The following MRAS variants were observed in gnomAD, a reference collection of about 807,000 sequenced individuals.
MRAS encodes ras-related protein M-Ras.
A neutral mutation model predicts 20.9 loss-of-function variants in MRAS; 4 were observed. That is an observed-to-expected ratio of 0.19 (90% CI 0.09 to 0.44). The LOEUF (loss-of-function observed/expected upper bound fraction) is 0.44, where lower values mean the gene tolerates loss of function less well. MRAS is among the 20% of genes least tolerant of loss of function. The pLI, the probability that MRAS is intolerant of heterozygous loss-of-function variation, is 0.99. For missense variants in MRAS, 154 were observed against 277.5 expected, an observed-to-expected ratio of 0.56 and a Z score of 3.16; for synonymous variants, 98 against 102.9, an observed-to-expected ratio of 0.95 and a Z score of 0.29.
Position 138,376,490 on chromosome 3 carries a change from G to T in MRAS, c.193+3414G>T, listed in dbSNP as rs1419626935. Among the ~76,000 whole-genome samples the T allele has an allele frequency of 7.2e-5, 11 of 152,176 alleles. No homozygotes were observed. In the East Asian group the frequency reaches 1.3e-3, roughly 19 times the overall value. On this transcript the variant is annotated intron_variant, in intron 2 of 5. Transcript: ENST00000423968. ...CATCTAGAATACTGCTTGGCTCATAGTAGCTCCCCAGTAAACATTTGTGGA... is the reference window on the plus strand; with the variant it reads ...CATCTAGAATACTGCTTGGCTCATATTAGCTCCCCAGTAAACATTTGTGGA...
intron 4 of MRAS, among the ~76,000 whole-genome samples, 184 bp downstream of exon 4, chr3:138,398,752 G>A (rs577424916): frequency 3.3e-5 from 5 of 152,134 alleles, no homozygotes; most frequent in Non-Finnish European, 7.4e-5. Flanking sequence ...TCAGTGTTTC[G>A]TCAATGGTAG....
At chr3:138,371,988 C>T (rs1392937352) in intron 1 of MRAS, among the ~76,000 whole-genome samples, 1 of 152,144 alleles carries the variant, frequency 6.6e-6, no homozygotes. Context: ...CCTGGTCCCA[C>T]TTCCAGCTGC....
chr3:138,376,272 G>A (rs559002329), intron 2 of MRAS, among the ~76,000 whole-genome samples: 2 of 152,272 alleles, frequency 1.3e-5, no homozygotes, highest in Admixed American at 1.3e-4. Context: ...CTTTATCTAA[G>A]AGGTCTTCCC....
At chr3:138,387,769 G>T (rs560306182) in intron 2 of MRAS, among the ~76,000 whole-genome samples, 4 of 152,044 alleles carry the variant, frequency 2.6e-5, no homozygotes, top group Admixed American at 2.6e-4. Context: ...AGGGTTCTAG[G>T]TTCCTCTAAG....
chr3:138,364,620 A>G (rs1006118552), intron 1 of MRAS, among the ~76,000 whole-genome samples: 4 of 152,190 alleles, frequency 2.6e-5, no homozygotes, highest in African/African-American at 9.7e-5. Context: ...GCACGGACCC[A>G]TATAGGGGAT....
Position 138,399,933 on chromosome 3 carries a change from G to A in MRAS, c.448-601G>A, listed in dbSNP as rs557613346. The stretch of plus-strand genomic sequence containing the variant: ...ACCACAGTCGTATCTCCCGCTGTCT[G>A]CACCCTTTCGACCGGGTGATGATTT... On this transcript the variant is annotated intron_variant, in intron 4 of 5. Transcript: ENST00000423968. Among the ~76,000 whole-genome samples the A allele has an allele frequency of 6.2e-4, 94 of 152,340 alleles. 2 individuals are homozygous for A. In the South Asian group the frequency reaches 0.016, roughly 27 times the overall value.
At chr3:138,347,741 T>G (rs2054149028), upstream of MRAS, 1 of 152,102 alleles carries the variant, frequency 6.6e-6, no homozygotes, top group Non-Finnish European at 1.5e-5. Context: ...CACAGGCACG[T>G]GCCGCCATGC....
intron 1 of MRAS, among the ~76,000 whole-genome samples, chr3:138,361,096 A>G (rs1265803968): frequency 6.6e-6 from 1 of 152,214 alleles, no homozygotes; most frequent in African/African-American, 2.4e-5. Context: ...CCTGGTTGGC[A>G]TTCCATAGAT....
intron 1 of MRAS, among the ~76,000 whole-genome samples, chr3:138,372,070 T>TG (rs1261424719): frequency 2.6e-5 from 4 of 152,052 alleles, no homozygotes; most frequent in African/African-American, 4.8e-5. Context: ...AATTCTTCAC[T>TG]GGGGGGGACT....
At chr3:138,388,010 G>A (rs990561000) in intron 2 of MRAS, among the ~76,000 whole-genome samples, 6 of 152,194 alleles carry the variant, frequency 3.9e-5, no homozygotes, top group Admixed American at 3.9e-4. Context: ...TGGGGCCACT[G>A]GCAAAGGGAC....
intron 2 of MRAS, among the ~76,000 whole-genome samples, chr3:138,375,421 G>A (rs1197409771): frequency 6.6e-6 from 1 of 152,232 alleles, no homozygotes; most frequent in Admixed American, 6.5e-5. Flanking sequence ...TTCTGGAAGA[G>A]TTTGAGTTAA....
At chr3:138,378,464 C>G (rs1310639583) in intron 2 of MRAS, among the ~76,000 whole-genome samples, 1 of 152,218 alleles carries the variant, frequency 6.6e-6, no homozygotes, top group Non-Finnish European at 1.5e-5. Context: ...ATCCTCATCT[C>G]ACTTTATATT....
intron 1 of MRAS, among the ~76,000 whole-genome samples, chr3:138,356,001 G>A (rs781706577): frequency 1.3e-5 from 2 of 152,300 alleles, no homozygotes; most frequent in South Asian, 2.1e-4. Flanking sequence ...AAAAGCCAGC[G>A]AAGGCTGGGT....
intron 1 of MRAS, among the ~76,000 whole-genome samples, chr3:138,364,745 G>A (rs1046992327): frequency 6.6e-6 from 1 of 152,210 alleles, no homozygotes; most frequent in African/African-American, 2.4e-5. Flanking sequence ...TCTATGCCCT[G>A]GTCAGCAAGC....
intron 2 of MRAS, among the ~76,000 whole-genome samples, chr3:138,388,241 C>T (rs1410202137): frequency 2.6e-5 from 4 of 152,196 alleles, no homozygotes; most frequent in Non-Finnish European, 2.9e-5. Flanking sequence ...GAAAGGGGAG[C>T]GCAAATTAAA....
chr3:138,352,909 C>G (rs1338237078), intron 1 of MRAS, among the ~76,000 whole-genome samples: 1 of 152,090 alleles, frequency 6.6e-6, no homozygotes, highest in East Asian at 1.9e-4. Flanking sequence ...CTGCCCAGCC[C>G]TCAGTGTCGT....
intron 2 of MRAS, among the ~76,000 whole-genome samples, chr3:138,373,905 G>A (rs4678416): frequency 0.8 from 116,384 of 145,832 alleles, 46,452 homozygotes; most frequent in East Asian, 0.97. Context: ...TTATTTATTT[G>A]TTTATTTGGG....
chr3:138,359,312 T>C (rs2054398241), intron 1 of MRAS, among the ~76,000 whole-genome samples: 1 of 152,140 alleles, frequency 6.6e-6, no homozygotes, highest in Non-Finnish European at 1.5e-5. Context: ...TGGCCAGTCC[T>C]TCTTCCTCCG....
intron 2 of MRAS, among the ~76,000 whole-genome samples, chr3:138,377,677 G>A (rs1206049864): frequency 6.6e-6 from 1 of 152,192 alleles, no homozygotes; most frequent in African/African-American, 2.4e-5. Flanking sequence ...CTTCGGGGAG[G>A]TGCTAAGCCT....
Sources: gnomAD v4.1 joint callset for allele counts (sites outside exome capture counted in the v4.1 genomes callset) on GRCh38, gnomAD v4.1.1 for gene constraint, MANE v1.5 for transcripts, NCBI Gene and HGNC (gene_info 2026-07-23, HGNC 2026-07-21) for gene names.